Variants in GAS6 observed in about 807,000 individuals in gnomAD.
GAS6 encodes growth arrest-specific protein 6.
In GAS6, 41 loss-of-function variants were observed where a neutral mutation model predicts 75.8. The observed-to-expected ratio is 0.54, with a 90% CI of 0.42 to 0.70. The LOEUF (loss-of-function observed/expected upper bound fraction) is 0.70. Among genes scored for constraint, GAS6 ranks in the 30% least tolerant of loss-of-function variants. GAS6 has a pLI of 0.00. For synonymous variants in GAS6, 432 were observed against 412.6 expected (o/e 1.05, Z -0.57); for missense variants, 854 against 940.2 (o/e 0.91, Z 1.20).
rs1426419204 is a variant in GAS6 at position 113,845,464 on chromosome 13, C to A, written c.343+1063G>T. Reference sequence around the variant, plus strand: ...TAAAACTAGACACACGTGACGCCAGCGGACCACAGACCCAGTGCAAGGGGA... The same window carrying A: ...TAAAACTAGACACACGTGACGCCAGAGGACCACAGACCCAGTGCAAGGGGA... On this transcript the variant is annotated intron_variant, in intron 4 of 14. Transcript: ENST00000327773. The surrounding 1 kb of genome is among the most constrained non-coding windows in gnomAD (Gnocchi z 4.3). The A allele has an allele frequency of 6.7e-6, 1 of 150,162 alleles. No homozygotes were observed. Among genetic ancestry groups the A allele is most frequent in the Non-Finnish European group, 1.5e-5 (1 of 67,984 alleles). The allele number at this position is 150,162 out of a possible 1,614,324, so 9.3% of individuals were successfully genotyped here.
intron 11 of GAS6, among the ~76,000 whole-genome samples, chr13:113,828,336 G>GA (rs1271254561): frequency 1.3e-5 from 2 of 152,170 alleles, no homozygotes; most frequent in African/African-American, 4.8e-5. Flanking sequence ...CAATTCAGAT[G>GA]AAAACTTAGG....
intron 8 of GAS6, chr13:113,833,437 C>CT (rs2051654732): frequency 1.0e-6 from 1 of 992,652 alleles, no homozygotes; most frequent in Non-Finnish European, 1.2e-6. Context: ...CCTGGTGACT[C>CT]TTTCCACCTG....
rs2051726579 is a variant in GAS6 at position 113,837,159 on chromosome 13, T to C, written c.589+910A>G. Among the ~76,000 whole-genome samples, 1 of 151,554 alleles carries C rather than the reference T, an allele frequency of 6.6e-6. No homozygotes were observed. On this transcript the variant is annotated intron_variant, in intron 6 of 14. Coordinates refer to ENST00000327773, the MANE Select transcript of GAS6 (RefSeq NM_000820.4). The surrounding 1 kb of genome is among the most constrained non-coding windows in gnomAD (Gnocchi z 5.1). ...AGGGGCTCTGTCCTCGGCGGGGAAATGGGTTTATGTGTTAAGATGGGAATC... is the reference window on the plus strand; with the variant it reads ...AGGGGCTCTGTCCTCGGCGGGGAAACGGGTTTATGTGTTAAGATGGGAATC...
At position 113,864,062 on chromosome 13, in the gene GAS6, T is replaced by A; in HGVS notation, c.-142A>T. The A allele has an allele frequency of 1.1e-6, 1 of 869,612 alleles. No homozygotes were observed. The highest frequency in any genetic ancestry group is 1.4e-6 in the Non-Finnish European group (1 of 722,486). 53.9% of individuals were successfully genotyped at this position (869,612 alleles called of 1,614,324 possible). On this transcript the variant is annotated 5_prime_UTR_variant, in exon 1 of 15. Transcript: ENST00000327773. ...CGGCGGCGGCGGCGGCTGCGGCACC[T>A]CAAGCGCTCGGTCTGGGCGTGTTCG...
intron 2 of GAS6, among the ~76,000 whole-genome samples, chr13:113,851,445 G>C (rs2051874641): frequency 6.6e-6 from 1 of 151,670 alleles, no homozygotes; most frequent in African/African-American, 2.4e-5. Context: ...ACAGATGAAT[G>C]AATGAATGGG....
At chr13:113,821,839 C>A (rs2051463056) in intron 14 of GAS6, 119 bp downstream of exon 14, 1 of 763,556 alleles carries the variant, frequency 1.3e-6, no homozygotes, top group Non-Finnish European at 2.0e-6. Flanking sequence ...TCTTAAAACA[C>A]AAGTCCTCTT....
chr13:113,844,145 G>A lies in GAS6; in HGVS notation c.343+2382C>T, dbSNP rs902633628. On this transcript the variant is annotated intron_variant, in intron 4 of 14. Transcript: ENST00000327773. The surrounding 1 kb of genome is among the most constrained non-coding windows in gnomAD (Gnocchi z 5.7). ...TCAGGGAGAGTGGCCGGAGCTTCTG[G>A]CCTGGGGCAGGTGGACCCGTTAGAA... The A allele has an allele frequency of 2.7e-5, 4 of 150,814 alleles. 2 individuals carry two copies. Among genetic ancestry groups the A allele is most frequent in the African/African-American group, 1.0e-4 (4 of 40,168 alleles). 9.3% of individuals were successfully genotyped at this position (150,814 alleles called of 1,614,324 possible). A position where few individuals can be genotyped will look rare whatever the true frequency, so the allele number is the denominator to read the frequency against.
At chr13:113,850,315 G>A (rs1037837148) in intron 2 of GAS6, among the ~76,000 whole-genome samples, 7 of 152,090 alleles carry the variant, frequency 4.6e-5, no homozygotes, top group Admixed American at 2.6e-4. Flanking sequence ...ATGGAGCAGA[G>A]GCCACCACTC....
In GAS6 at chr13:113,863,789, C is replaced by T. The variant is rs1255051059; in HGVS notation, c.88+44G>A. The T allele has an allele frequency of 7.1e-7, 1 of 1,403,508 alleles. No homozygotes were observed. Among genetic ancestry groups the T allele is most frequent in the African/African-American group, 1.5e-5 (1 of 65,680 alleles). 86.9% of individuals were successfully genotyped at this position (1,403,508 alleles called of 1,614,324 possible). ...ACGCGTCAAGCCGCGCCCGGAGCCTCCTCCCGCCGCCCGGGGACGGGGTCT... is the reference window on the plus strand; with the variant it reads ...ACGCGTCAAGCCGCGCCCGGAGCCTTCTCCCGCCGCCCGGGGACGGGGTCT... On this transcript the variant is annotated intron_variant, in intron 1 of 14. Coordinates refer to ENST00000327773, the MANE Select transcript of GAS6 (RefSeq NM_000820.4). The surrounding 1 kb of genome is among the most constrained non-coding windows in gnomAD (Gnocchi z 9.4).
chr13:113,849,457 G>C (rs2051857714), intron 2 of GAS6, among the ~76,000 whole-genome samples: 2 of 152,054 alleles, frequency 1.3e-5, no homozygotes, highest in African/African-American at 4.8e-5. Context: ...GAGAAGGGAA[G>C]TGATGGGGCT....
intron 8 of GAS6, chr13:113,833,624 G>A (rs887919285): frequency 2.4e-5 from 24 of 1,013,862 alleles, no homozygotes; most frequent in East Asian, 1.1e-4. Flanking sequence ...GTGACAGGTC[G>A]GTGTGACAGG....
Position 113,863,661 on chromosome 13 carries a change from T to G in GAS6, c.169A>C (p.Lys57Gln). ...CACTCCCTCTCCAGGTGGCCCTGCT[T>G]GGCCTCCTCGAAGACCTGAAAGGCG... is the stretch of plus-strand genomic sequence containing the variant. ...RRAFQVFEEA[K>Q]QGHLERECVE... Residue 57 changes from lysine (K) to glutamine (Q), a missense_variant, in exon 2 of 15, where the codon AAG becomes CAG. Coordinates refer to ENST00000327773, the MANE Select transcript of GAS6 (RefSeq NM_000820.4). This position sits in a 1 kb window ranked among gnomAD's most constrained non-coding sequence, Gnocchi z 9.4. 1 of 1,522,220 alleles carries G rather than the reference T, an allele frequency of 6.6e-7. No individual in the cohort carries two copies. The highest frequency in any genetic ancestry group is 1.2e-5 in the South Asian group (1 of 81,770). 94.3% of individuals were successfully genotyped at this position (1,522,220 alleles called of 1,614,324 possible). A position where few individuals can be genotyped will look rare whatever the true frequency, so the allele number is the denominator to read the frequency against.
rs779820507 is a variant in GAS6, at chr13:113,846,508, G to A, written c.343+19C>T. 14 of 1,612,562 alleles carry A rather than the reference G, an allele frequency of 8.7e-6. No homozygotes were observed. In the East Asian group the frequency reaches 8.9e-5, roughly 10 times the overall value. On this transcript the variant is annotated intron_variant, in intron 4 of 14. Transcript: ENST00000327773. ...AAACCCACAGTGCTCCCAGGAAGGC[G>A]CAAAGGAGGCCGACTTACTTTGCAC...
chr13:113,847,180 G>GGCACGGATGAACA (rs1240984692), intron 3 of GAS6: 85 of 292,756 alleles, frequency 2.9e-4, no homozygotes, highest in Non-Finnish European at 4.0e-4. Context: ...GGCGCAGAAC[G>GGCACGGATGAACA]GCACGGATGA....
At chr13:113,855,177 C>T (rs1369903671) in intron 2 of GAS6, among the ~76,000 whole-genome samples, 4 of 151,690 alleles carry the variant, frequency 2.6e-5, no homozygotes, top group African/African-American at 9.7e-5. Context: ...CCGGTGAGGG[C>T]GTCTCCTGCA....
rs531958081 is a variant in GAS6 at position 113,859,137 on chromosome 13, T to C, written c.255+4438A>G. ...GTGTGGCTGTGTGCTTACATATGTC[T>C]ATGTGAATGTGTGCATGTATGTGTA... is the stretch of plus-strand genomic sequence containing the variant. On this transcript the variant is annotated intron_variant, in intron 2 of 14. Transcript: ENST00000327773. Among the ~76,000 whole-genome samples, 181 of 151,868 alleles carry C rather than the reference T, an allele frequency of 1.2e-3. 2 individuals carry two copies. The highest frequency in any genetic ancestry group is 6.3e-4 in the Non-Finnish European group (43 of 67,958).
At chr13:113,842,003 A>ATACGCCTCAATTTCCTCTG (rs1313744163) in intron 4 of GAS6, 5 of 107,052 alleles carry the variant, frequency 4.7e-5, no homozygotes, top group Non-Finnish European at 9.8e-5. Flanking sequence ...AGTTTCCTCC[A>ATACGCCTCAATTTCCTCTG]TATGCCTCAG....
intron 2 of GAS6, among the ~76,000 whole-genome samples, chr13:113,860,758 A>C (rs548992988): frequency 6.6e-6 from 1 of 152,246 alleles, no homozygotes; most frequent in Non-Finnish European, 1.5e-5. Flanking sequence ...GGGGAGGGGC[A>C]CGGCTCCAGC....
intron 13 of GAS6, chr13:113,823,142 T>A (rs1204930830): frequency 2.2e-6 from 1 of 464,142 alleles, no homozygotes; most frequent in Non-Finnish European, 3.8e-6. Context: ...GTGAGCCGAG[T>A]GTGGCTCGCA....
Sources: allele counts gnomAD v4.1 joint callset (sites outside exome capture counted in the v4.1 genomes callset), GRCh38; gene constraint gnomAD v4.1.1; non-coding constraint Gnocchi (gnomAD v3.1); transcripts MANE v1.5; gene names NCBI Gene and HGNC (gene_info 2026-07-23, HGNC 2026-07-21).